The following SNX31 variants were observed in gnomAD, a reference collection of about 807,000 sequenced individuals.
SNX31 encodes the protein sorting nexin 31.
In SNX31, 58 loss-of-function variants were observed where a neutral mutation model predicts 65.4. The ratio of observed to expected loss-of-function variants is 0.89; its 90% confidence interval spans 0.72 to 1.10. The LOEUF (loss-of-function observed/expected upper bound fraction) is 1.10. Ranked by LOEUF, SNX31 falls within the 50% of genes least tolerant of loss-of-function variation. The pLI, the probability that SNX31 is intolerant of heterozygous loss-of-function variation, is 0.00. For synonymous variants in SNX31, 181 were observed against 190.1 expected (o/e 0.95, Z 0.39); for missense variants, 523 against 529.7 (o/e 0.99, Z 0.12).
chr8:100,608,731 G>A (rs943085724), intron 7 of SNX31, among the ~76,000 whole-genome samples, 168 bp from the exon 8 acceptor site: 10 of 152,036 alleles, frequency 6.6e-5, no homozygotes, highest in African/African-American at 9.7e-5. Flanking sequence ...CACCTCTTTC[G>A]TTTCCTAATT....
chr8:100,652,004 T>A (rs531457541), upstream of SNX31, among the ~76,000 whole-genome samples: 189 of 151,818 alleles, frequency 1.2e-3, no homozygotes, highest in Non-Finnish European at 1.6e-3. Context: ...TTTGAAACAG[T>A]GTCTTGCTCA....
At chr8:100,637,751 A>G (rs1186717087) in intron 2 of SNX31, among the ~76,000 whole-genome samples, 1 of 151,932 alleles carries the variant, frequency 6.6e-6, no homozygotes, top group Non-Finnish European at 1.5e-5. Flanking sequence ...GCTGGAGTGC[A>G]GTGGCATGAT....
chr8:100,584,407 A>G (rs1813842353), intron 11 of SNX31, among the ~76,000 whole-genome samples: 1 of 152,212 alleles, frequency 6.6e-6, no homozygotes, highest in Admixed American at 6.5e-5. Flanking sequence ...CAGATTTTTT[A>G]AAGAAATGAA....
rs998292816 is a variant in SNX31 at position 100,629,647 on chromosome 8, G to C, written c.321+680C>G. On this transcript the variant is annotated intron_variant, in intron 4 of 13. Coordinates refer to ENST00000311812, the MANE Select transcript of SNX31 (RefSeq NM_152628.4). This position sits in a 1 kb window ranked among gnomAD's most constrained non-coding sequence, Gnocchi z 5.1. ...AGTTAACTAGTATCATATTACTGCGGAACTTAAATTCTTTCAGAGCTTTTC... is the reference window on the plus strand; with the variant it reads ...AGTTAACTAGTATCATATTACTGCGCAACTTAAATTCTTTCAGAGCTTTTC... Among the ~76,000 whole-genome samples, 2 of 152,180 alleles carry C rather than the reference G, an allele frequency of 1.3e-5. No homozygotes were observed. The highest frequency in any genetic ancestry group is 6.5e-5 in the Admixed American group (1 of 15,274).
In SNX31 at chr8:100,609,985, T is replaced by C. The variant is rs1816558974; in HGVS notation, c.612-1422A>G. Among the ~76,000 whole-genome samples the C allele has an allele frequency of 6.6e-6, 1 of 152,168 alleles. No homozygotes were observed. Among genetic ancestry groups the C allele is most frequent in the Non-Finnish European group, 1.5e-5 (1 of 68,018 alleles). On this transcript the variant is annotated intron_variant, in intron 7 of 13. Coordinates refer to ENST00000311812, the MANE Select transcript of SNX31 (RefSeq NM_152628.4). The surrounding 1 kb of genome is among the most constrained non-coding windows in gnomAD (Gnocchi z 4.9). ...TGAGGCTTCACCTGCTGGGAATCAC[T>C]CAGCTTTTGGAGCTAGCCTTCCAGC...
intron 8 of SNX31, among the ~76,000 whole-genome samples, chr8:100,602,413 T>C (rs947252348): frequency 2.6e-5 from 4 of 152,146 alleles, no homozygotes; most frequent in African/African-American, 7.2e-5. Flanking sequence ...ACTACAGTGG[T>C]CCCCCTTATC....
intron 4 of SNX31, among the ~76,000 whole-genome samples, chr8:100,621,962 A>G (rs1411935235): frequency 6.6e-6 from 1 of 152,266 alleles, no homozygotes; most frequent in Non-Finnish European, 1.5e-5. Context: ...CTCTGTGAGA[A>G]TAAAGTCAAT....
Position 100,630,278 on chromosome 8 carries a change from G to A in SNX31, c.321+49C>T. 6.4e-7 allele frequency: 1 copy of A among 1,567,846 alleles called. No individual in the cohort carries two copies. Among genetic ancestry groups the A allele is most frequent in the East Asian group, 2.2e-5 (1 of 44,528 alleles). The stretch of plus-strand genomic sequence containing the variant: ...TGTACCTGCACACTTGGTTCATGAA[G>A]AGTGTCCTGCAGAGGAATGATGGCC... On this transcript the variant is annotated intron_variant, in intron 4 of 13. Transcript: ENST00000311812. The surrounding 1 kb of genome is among the most constrained non-coding windows in gnomAD (Gnocchi z 5.3).
rs1818081176 is a variant in SNX31, at chr8:100,626,996, C to A, written c.321+3331G>T. ...GGTATAAGGCTTTTGTATGAAGTCA[C>A]AAAGGCAAAATATTAAGGAAATGAA... On this transcript the variant is annotated intron_variant, in intron 4 of 13. Transcript: ENST00000311812. This position sits in a 1 kb window ranked among gnomAD's most constrained non-coding sequence, Gnocchi z 4.4. Among the ~76,000 whole-genome samples the A allele has an allele frequency of 6.6e-6, 1 of 152,132 alleles. No individual in the cohort carries two copies. Among genetic ancestry groups the A allele is most frequent in the Admixed American group, 6.5e-5 (1 of 15,268 alleles).
At position 100,578,697 on chromosome 8, in the gene SNX31, T is replaced by TTATTA. The variant is rs1359082076; in HGVS notation, c.1171-1623_1171-1622insTAATA. The stretch of plus-strand genomic sequence containing the variant: ...TATTTCAATGATTTTTTATTTTATT[T>TTATTA]TATTTTATTTTATTTTATTTTATTT... On this transcript the variant is annotated intron_variant, in intron 12 of 13. Coordinates refer to ENST00000311812, the MANE Select transcript of SNX31 (RefSeq NM_152628.4). The surrounding 1 kb of genome is among the most constrained non-coding windows in gnomAD (Gnocchi z 4.7). 6.7e-6 allele frequency among the ~76,000 whole-genome samples: 1 copy of TTATTA among 149,944 alleles called. No homozygotes were observed. The highest frequency in any genetic ancestry group is 1.5e-5 in the Non-Finnish European group (1 of 67,540).
At chr8:100,661,870 G>A (rs1809793927) in intron 1 of SNX31, among the ~76,000 whole-genome samples, 1 of 152,120 alleles carries the variant, frequency 6.6e-6, no homozygotes, top group Admixed American at 6.5e-5. Flanking sequence ...TGTTGCCCAG[G>A]CTGGAGTGCA....
intron 2 of SNX31, among the ~76,000 whole-genome samples, chr8:100,644,880 C>T (rs1435274087): frequency 6.6e-6 from 1 of 152,222 alleles, no homozygotes; most frequent in Non-Finnish European, 1.5e-5. Flanking sequence ...CCAGGCAGGT[C>T]TCAAACTCTT....
chr8:100,597,385 G>T (rs1235166066), intron 9 of SNX31, among the ~76,000 whole-genome samples: 1 of 152,110 alleles, frequency 6.6e-6, no homozygotes, highest in Non-Finnish European at 1.5e-5. Flanking sequence ...GGGATTACAG[G>T]CACGTGCCAC....
Position 100,659,353 on chromosome 8 carries a change from C to CAAA in SNX31, c.-58+3786_-58+3788dup, listed in dbSNP as rs148671568. Among the ~76,000 whole-genome samples, 220 of 70,912 alleles carry CAAA rather than the reference C, an allele frequency of 3.1e-3. 1 individual carries two copies. Among genetic ancestry groups the CAAA allele is most frequent in the Middle Eastern group, 7.7e-3 (1 of 130 alleles). The allele number at this position is 70,912 out of a possible 152,430, so 46.5% of individuals were successfully genotyped here. A position where few individuals can be genotyped will look rare whatever the true frequency, so the allele number is the denominator to read the frequency against. On this transcript the variant is annotated intron_variant, in intron 1 of 5. Coordinates refer to the SNX31 transcript ENST00000520352. ...TGGGCGACAGAGCAAAACTCCATCA[C>CAAA]AAAAAAAAAAAAAAAAAAAAAAAAG...
At chr8:100,638,238 A>C (rs1167609601) in intron 2 of SNX31, among the ~76,000 whole-genome samples, 5 of 152,234 alleles carry the variant, frequency 3.3e-5, no homozygotes, top group African/African-American at 1.2e-4. Context: ...AAGTAAACCC[A>C]AAATTCTTAC....
intron 2 of SNX31, among the ~76,000 whole-genome samples, chr8:100,639,543 AAGGGGAAG>A (rs1819011132): frequency 2.0e-5 from 3 of 151,500 alleles, no homozygotes; most frequent in African/African-American, 7.3e-5. Flanking sequence ...GTTTACACAT[AAGGGGAAG>A]AGGCTAGAAT....
At chr8:100,653,668 G>A (rs1011557001), upstream of SNX31, among the ~76,000 whole-genome samples, 4 of 152,218 alleles carry the variant, frequency 2.6e-5, no homozygotes, top group South Asian at 4.1e-4. Flanking sequence ...AGAACTATGA[G>A]AGAATTCATT....
rs571009030 is a variant in SNX31, at chr8:100,578,871, G to A, written c.1171-1796C>T. Among the ~76,000 whole-genome samples, 27 of 151,878 alleles carry A rather than the reference G, an allele frequency of 1.8e-4. No homozygotes were observed. Among genetic ancestry groups the A allele is most frequent in the Non-Finnish European group, 3.4e-4 (23 of 67,990 alleles). ...CAAGTAGCTAGGAATACAGGTACGC[G>A]CCACCATGCCCATCTAATTTTTGTA... On this transcript the variant is annotated intron_variant, in intron 12 of 13. Transcript: ENST00000311812. This position sits in a 1 kb window ranked among gnomAD's most constrained non-coding sequence, Gnocchi z 4.7.
At chr8:100,650,532 G>A (rs1054061596), upstream of SNX31, among the ~76,000 whole-genome samples, 1 of 152,192 alleles carries the variant, frequency 6.6e-6, no homozygotes, top group African/African-American at 2.4e-5. Flanking sequence ...TCATCCCTGG[G>A]GTAAGAGCTG....
Sources: allele counts gnomAD v4.1 joint callset (sites outside exome capture counted in the v4.1 genomes callset), GRCh38; gene constraint gnomAD v4.1.1; non-coding constraint Gnocchi (gnomAD v3.1); transcripts MANE v1.5; gene names NCBI Gene and HGNC (gene_info 2026-07-23, HGNC 2026-07-21).